ZNF99: variants seen among roughly 807,000 people sequenced by gnomAD.
The protein encoded by ZNF99 is zinc finger protein ENSP00000375192.
Under a neutral mutation model 12.8 loss-of-function variants are expected in ZNF99, and 8 were observed. That is an observed-to-expected ratio of 0.62 (90% CI 0.37 to 1.13). ZNF99 has a LOEUF of 1.13. ZNF99 is among the 50% of genes most tolerant of loss of function. The probability of loss-of-function intolerance (pLI) is 0.02; values close to 1 mark genes in which losing one functional copy is unlikely to be tolerated. For synonymous variants in ZNF99, 318 were observed against 319.0 expected, an observed-to-expected ratio of 1.00 and a Z score of 0.03; for missense variants, 1,007 against 1,006.2, an observed-to-expected ratio of 1.00 and a Z score of -0.01.
chr19:22,761,544 G>T (rs1198735266), intron 3 of ZNF99, among the ~76,000 whole-genome samples: 2 of 151,970 alleles, frequency 1.3e-5, no homozygotes, highest in African/African-American at 2.4e-5. Flanking sequence ...ATAATAATGA[G>T]GACTTCAATA....
In ZNF99 at chr19:22,756,812, T is replaced by G. The variant is rs753770264; in HGVS notation, c.*502A>C. The G allele has an allele frequency of 6.2e-7, 1 of 1,612,716 alleles. No homozygotes were observed. The highest frequency in any genetic ancestry group is 1.1e-5 in the South Asian group (1 of 91,062). ...TTGTAGGGTTTCTTTCCAGTATAAT[T>G]ATCTCATGTTTTCTAAGGGCTGAGA... On this transcript the variant is annotated 3_prime_UTR_variant, in exon 4 of 4. Coordinates refer to ENST00000596209, the MANE Select transcript of ZNF99 (RefSeq NM_001080409.3).
intron 1 of ZNF99, among the ~76,000 whole-genome samples, chr19:22,781,831 G>C (rs1400584468): frequency 6.6e-6 from 1 of 151,988 alleles, no homozygotes; most frequent in South Asian, 2.1e-4. Flanking sequence ...TTCCCAGACA[G>C]TACTGAAACC....
intron 3 of ZNF99, among the ~76,000 whole-genome samples, chr19:22,764,457 TTCTC>T (rs1451672015): frequency 6.6e-6 from 1 of 152,076 alleles, no homozygotes; most frequent in Admixed American, 6.6e-5. Context: ...AGGGAGGGTT[TTCTC>T]TCTATCTTGT....
intron 3 of ZNF99, among the ~76,000 whole-genome samples, chr19:22,760,223 G>A (rs890087144): frequency 3.9e-5 from 6 of 152,168 alleles, no homozygotes; most frequent in African/African-American, 1.4e-4. Context: ...AACTTGGGAT[G>A]TAGAAATTAC....
chr19:22,760,410 C>T (rs1304798255), intron 3 of ZNF99, among the ~76,000 whole-genome samples: 1 of 152,124 alleles, frequency 6.6e-6, no homozygotes, highest in Non-Finnish European at 1.5e-5. Flanking sequence ...TTATGTTTCT[C>T]ATGACACAAA....
In ZNF99 at chr19:22,755,977, A is replaced by C. The variant is rs1973044800; in HGVS notation, c.*1337T>G. On this transcript the variant is annotated 3_prime_UTR_variant, in exon 4 of 4. Transcript: ENST00000596209. ...GTAGGGTTTTCCTCCAGTATCAATT[A>C]TTTTATGTGTATTTAAGGTGTGAGG... The C allele has an allele frequency of 1.7e-6, 1 of 575,350 alleles. No homozygotes were observed. The highest frequency in any genetic ancestry group is 3.0e-6 in the Non-Finnish European group (1 of 334,894). The allele number at this position is 575,350 out of a possible 1,614,324, so 35.6% of individuals were successfully genotyped here. A position where few individuals can be genotyped will look rare whatever the true frequency, so the allele number is the denominator to read the frequency against.
At position 22,759,147 on chromosome 19, in the gene ZNF99, CT is replaced by C; in HGVS notation, c.761del (p.Lys254ArgfsTer20). ...CACATTCTTCACATTTGCAGGGTTTCTTTCCAGTATGAATTATCTTACATTT... is the reference window on the plus strand; with the variant it reads ...CACATTCTTCACATTTGCAGGGTTTCTTCCAGTATGAATTATCTTACATTT... ...FTKCKIIHTG[K>X]KPCKCEECGK... On this transcript the variant is annotated frameshift_variant, in exon 4 of 4. Coordinates refer to ENST00000596209, the MANE Select transcript of ZNF99 (RefSeq NM_001080409.3). LOFTEE classifies it low-confidence loss of function (END_TRUNC). 4 of 1,608,972 alleles carry C rather than the reference CT, an allele frequency of 2.5e-6. No homozygotes were observed. Among genetic ancestry groups the C allele is most frequent in the Non-Finnish European group, 3.4e-6 (4 of 1,177,250 alleles).
chr19:22,769,808 A>T (rs1240257893), intron 1 of ZNF99: 1 of 1,197,846 alleles, frequency 8.3e-7, no homozygotes, highest in African/African-American at 1.6e-5. Context: ...TCTCTAATGT[A>T]TTCTCAAACT....
rs1490581177 is a variant in ZNF99, at chr19:22,757,403, T to C, written c.2506A>G (p.Lys836Glu). The stretch of plus-strand genomic sequence containing the variant: ...GGGTTTCTCTCCATATGAATTACCT[T>C]ATGTAAAGTAAGTTTTGAGGACCAC... ...FQWSSKLTLH[K>E]VIHMERNPAN... The change falls in exon 4 of 4, where the codon AAG (lysine) becomes GAG (glutamate). Residue 836 changes from lysine (K) to glutamate (E), a missense_variant. Physicochemically the swap from Lys to Glu is moderately conservative, Grantham distance 56 (BLOSUM62 1). Transcript: ENST00000596209. The C allele has an allele frequency of 6.2e-7, 1 of 1,609,730 alleles. No homozygotes were observed. Among genetic ancestry groups the C allele is most frequent in the Non-Finnish European group, 8.5e-7 (1 of 1,178,832 alleles).
At chr19:22,760,127 A>T (rs1973134205) in intron 3 of ZNF99, among the ~76,000 whole-genome samples, 1 of 152,108 alleles carries the variant, frequency 6.6e-6, no homozygotes. Flanking sequence ...GAAAAACTCC[A>T]TCTCTACTAA....
In ZNF99 at chr19:22,759,153, A is replaced by G. The variant is rs1205284653; in HGVS notation, c.756T>C (p.Thr252=). Residue 252 remains threonine (T), a synonymous_variant, in exon 4 of 4, where the codon ACT becomes ACC. Coordinates refer to ENST00000596209, the MANE Select transcript of ZNF99 (RefSeq NM_001080409.3). ...CTTCACATTTGCAGGGTTTCTTTCCAGTATGAATTATCTTACATTTAGTGA... is the reference window on the plus strand; with the variant it reads ...CTTCACATTTGCAGGGTTTCTTTCCGGTATGAATTATCTTACATTTAGTGA... ...SMFTKCKIIH[T]GKKPCKCEEC... is the part of the protein sequence containing the mutation. 1 of 1,607,136 alleles carries G rather than the reference A, an allele frequency of 6.2e-7. No homozygotes were observed. Among genetic ancestry groups the G allele is most frequent in the African/African-American group, 1.3e-5 (1 of 74,878 alleles).
chr19:22,758,638 G>T lies in ZNF99; in HGVS notation c.1271C>A (p.Pro424His), dbSNP rs370198882. 1.2e-6 allele frequency: 2 copies of T among 1,612,442 alleles called. No homozygotes were observed. The highest frequency in any genetic ancestry group is 1.7e-6 in the Non-Finnish European group (2 of 1,179,362). Residue 424 changes from proline (P) to histidine (H), a missense_variant, in exon 4 of 4, where the codon CCC (proline) becomes CAC (histidine). Pro to His is a moderately conservative substitution (Grantham distance 77). Coordinates refer to ENST00000596209, the MANE Select transcript of ZNF99 (RefSeq NM_001080409.3). ...VHKVIHTAEK[P>H]CKCEECGKAF... is the part of the protein sequence containing the mutation. Reference sequence around the variant, plus strand: ...TTTGCCACATTCTTCACATTTGCAGGGTTTCTCTGCAGTATGAATTACCTT... The same window carrying T: ...TTTGCCACATTCTTCACATTTGCAGTGTTTCTCTGCAGTATGAATTACCTT...
Position 22,756,201 on chromosome 19 carries a change from AT to A in ZNF99, c.*1112del, listed in dbSNP as rs1489372286. On this transcript the variant is annotated 3_prime_UTR_variant, in exon 4 of 4. Coordinates refer to ENST00000596209, the MANE Select transcript of ZNF99 (RefSeq NM_001080409.3). ...TTGAAAGCTTTGACACATTCTTCAC[AT>A]TTTTAGGGCTTCTCCCCAGTATGAA... 11 of 1,560,312 alleles carry A rather than the reference AT, an allele frequency of 7.0e-6. 1 individual carries two copies. Among genetic ancestry groups the A allele is most frequent in the Non-Finnish European group, 9.6e-6 (11 of 1,150,476 alleles).
chr19:22,756,561 T>G lies in ZNF99; in HGVS notation c.*753A>C, dbSNP rs1180530533. On this transcript the variant is annotated 3_prime_UTR_variant, in exon 4 of 4. Coordinates refer to ENST00000596209, the MANE Select transcript of ZNF99 (RefSeq NM_001080409.3). ...TGTAGGGTTTCTCTCCAGTATGAATTGATTTATGTTTAGTAAGGTGTGAGG... is the reference window on the plus strand; with the variant it reads ...TGTAGGGTTTCTCTCCAGTATGAATGGATTTATGTTTAGTAAGGTGTGAGG... 5 of 1,597,222 alleles carry G rather than the reference T, an allele frequency of 3.1e-6. No individual in the cohort carries two copies. The highest frequency in any genetic ancestry group is 1.5e-5 in the African/African-American group (1 of 66,440).
chr19:22,769,378 T>G, intron 1 of ZNF99, 54 bp from the exon 2 acceptor site: 1 of 1,558,126 alleles, frequency 6.4e-7, no homozygotes, highest in South Asian at 1.2e-5. Context: ...ATGGACAGAA[T>G]TTTTAATTTG....
At position 22,753,302 on chromosome 19, in the gene ZNF99, T is replaced by C. The variant is rs1192879736; in HGVS notation, c.*4012A>G. ...AAATTTTAGATTGAAATTATTTTTT[T>C]TACTCAACACTCTGATTTAGTGTAG... On this transcript the variant is annotated 3_prime_UTR_variant, in exon 4 of 4. Coordinates refer to ENST00000596209, the MANE Select transcript of ZNF99 (RefSeq NM_001080409.3). The C allele has an allele frequency of 6.6e-6, 1 of 152,162 alleles. No homozygotes were observed. The allele number at this position is 152,162 out of a possible 1,614,324, so 9.4% of individuals were successfully genotyped here. A position where few individuals can be genotyped will look rare whatever the true frequency, so the allele number is the denominator to read the frequency against.
At position 22,774,643 on chromosome 19, in the gene ZNF99, G is replaced by A. The variant is rs1475881957; in HGVS notation, c.4-5319C>T. ...CCAGCACTTTGGGAGGCCGAGGTGG[G>A]TAGATCATTTGAGGTCAGGAGTTGG... On this transcript the variant is annotated intron_variant, in intron 1 of 3. Coordinates refer to ENST00000596209, the MANE Select transcript of ZNF99 (RefSeq NM_001080409.3). Among the ~76,000 whole-genome samples the A allele has an allele frequency of 9.2e-5, 14 of 152,284 alleles. 1 individual carries two copies. Among genetic ancestry groups the A allele is most frequent in the Admixed American group, 5.2e-4 (8 of 15,292 alleles).
intron 1 of ZNF99, among the ~76,000 whole-genome samples, chr19:22,771,938 G>C (rs945558746): frequency 5.9e-4 from 21 of 35,712 alleles, no homozygotes; most frequent in South Asian, 4.3e-3. Flanking sequence ...GGCTGGTCTC[G>C]AACTCCTGAC....
At chr19:22,779,811 C>A (rs1834325300) in intron 1 of ZNF99, among the ~76,000 whole-genome samples, 1 of 152,162 alleles carries the variant, frequency 6.6e-6, no homozygotes, top group African/African-American at 2.4e-5. Context: ...GAAACAAGGC[C>A]CTTGTCTGCC....
Sources: gnomAD v4.1 joint callset for allele counts (sites outside exome capture counted in the v4.1 genomes callset) on GRCh38, gnomAD v4.1.1 for gene constraint, MANE v1.5 for transcripts, NCBI Gene and HGNC (gene_info 2026-07-23, HGNC 2026-07-21) for gene names.